Variants in WWOX observed in about 807,000 individuals in gnomAD.
WWOX encodes WW domain containing oxidoreductase.
In WWOX, 69 loss-of-function variants were observed where a neutral mutation model predicts 46.2. That is an observed-to-expected ratio of 1.49 (90% CI 1.23 to 1.82). The LOEUF is 1.82. Ranked by LOEUF, WWOX falls within the 40% of genes most tolerant of loss-of-function variation. WWOX has a pLI of 0.00. For missense variants in WWOX, 919 were observed against 542.6 expected, an observed-to-expected ratio of 1.69 and a Z score of -6.89; for synonymous variants, 359 against 202.6, an observed-to-expected ratio of 1.77 and a Z score of -6.56.
At chr16:78,668,309 A>G (rs943409206) in intron 8 of WWOX, among the ~76,000 whole-genome samples, 1 of 152,046 alleles carries the variant, frequency 6.6e-6, no homozygotes, top group Non-Finnish European at 1.5e-5. Flanking sequence ...CATACAACTT[A>G]ACTCTCATAC....
intron 8 of WWOX, among the ~76,000 whole-genome samples, chr16:78,463,095 A>G (rs1567587903): frequency 6.6e-6 from 1 of 152,184 alleles, no homozygotes; most frequent in Non-Finnish European, 1.5e-5. Flanking sequence ...GTTTCATGTC[A>G]GATCCGTATC....
chr16:79,008,212 G>A (rs2047227894), intron 8 of WWOX, among the ~76,000 whole-genome samples: 2 of 152,166 alleles, frequency 1.3e-5, no homozygotes, highest in Admixed American at 6.5e-5. Context: ...CAGGCTCTCA[G>A]GCCCTATCCA....
intron 8 of WWOX, among the ~76,000 whole-genome samples, chr16:79,087,261 G>A (rs1023267512): frequency 4.6e-5 from 7 of 152,216 alleles, no homozygotes; most frequent in African/African-American, 1.2e-4. Flanking sequence ...AGCCAGGAGC[G>A]TGTGAAGCAT....
At chr16:78,479,657 C>T (rs1597143048) in intron 8 of WWOX, among the ~76,000 whole-genome samples, 1 of 152,166 alleles carries the variant, frequency 6.6e-6, no homozygotes, top group African/African-American at 2.4e-5. Context: ...GAATGATTGA[C>T]ATGGAGGTTC....
intron 8 of WWOX, chr16:78,526,346 AG>A (rs757981293): frequency 2.6e-5 from 4 of 152,234 alleles, no homozygotes; most frequent in Non-Finnish European, 4.4e-5. Flanking sequence ...TGTGGTGCTG[AG>A]CCCCCCTTCC....
chr16:78,538,153 C>A (rs956949030), intron 8 of WWOX, among the ~76,000 whole-genome samples: 1 of 140,938 alleles, frequency 7.1e-6, no homozygotes, highest in Non-Finnish European at 1.5e-5. Flanking sequence ...TTAGTGATTG[C>A]CAGTCCATTC....
intron 8 of WWOX, among the ~76,000 whole-genome samples, chr16:78,966,991 T>C (rs764472788): frequency 2.1e-4 from 32 of 152,222 alleles, no homozygotes; most frequent in Non-Finnish European, 4.6e-4. Flanking sequence ...CATTTATTAT[T>C]GTCTCCACTG....
At chr16:79,172,468 G>T (rs2050718577) in intron 8 of WWOX, among the ~76,000 whole-genome samples, 1 of 152,104 alleles carries the variant, frequency 6.6e-6, no homozygotes, top group African/African-American at 2.4e-5. Context: ...GGTACCTGTA[G>T]TCCCGAGCCC....
chr16:78,820,585 C>T (rs1375553243), intron 8 of WWOX, among the ~76,000 whole-genome samples: 5 of 152,082 alleles, frequency 3.3e-5, no homozygotes, highest in Non-Finnish European at 7.4e-5. Context: ...GTGGCCCTTC[C>T]TTGAAATATA....
At chr16:78,349,674 C>A (rs1421355513) in intron 5 of WWOX, among the ~76,000 whole-genome samples, 1 of 120,570 alleles carries the variant, frequency 8.3e-6, no homozygotes, top group Non-Finnish European at 2.0e-5. Flanking sequence ...TCATCCTTCC[C>A]AGACGTTTCA....
At chr16:78,684,651 C>G (rs1597442605) in intron 8 of WWOX, among the ~76,000 whole-genome samples, 1 of 152,312 alleles carries the variant, frequency 6.6e-6, no homozygotes, top group African/African-American at 2.4e-5. Flanking sequence ...AGAAAGGACT[C>G]TGCCCTCATG....
intron 5 of WWOX, among the ~76,000 whole-genome samples, chr16:78,282,602 C>T (rs1332385876): frequency 9.2e-5 from 14 of 151,984 alleles, no homozygotes; most frequent in Admixed American, 9.2e-4. Flanking sequence ...TGTGGCCGGG[C>T]GCAGTGGCTC....
At chr16:78,512,633 G>A (rs1201317768) in intron 8 of WWOX, among the ~76,000 whole-genome samples, 1 of 152,162 alleles carries the variant, frequency 6.6e-6, no homozygotes, top group Non-Finnish European at 1.5e-5. Flanking sequence ...AGCCTTAAAG[G>A]ATGAGAAAGA....
intron 8 of WWOX, among the ~76,000 whole-genome samples, chr16:78,887,546 C>T (rs1051038356): frequency 6.7e-6 from 1 of 149,602 alleles, no homozygotes; most frequent in Non-Finnish European, 1.5e-5. Context: ...ACCTCAACAC[C>T]CTTCCAAAAC....
At chr16:78,197,968 AT>A (rs1740695021) in intron 5 of WWOX, among the ~76,000 whole-genome samples, 1 of 150,550 alleles carries the variant, frequency 6.6e-6, no homozygotes, top group Admixed American at 6.6e-5. Flanking sequence ...AATTTCTTCC[AT>A]TTTCTTTCCT....
intron 8 of WWOX, among the ~76,000 whole-genome samples, chr16:79,030,883 G>C (rs576502893): frequency 1.3e-5 from 2 of 152,164 alleles, no homozygotes; most frequent in African/African-American, 2.4e-5. Flanking sequence ...AGGAGCTTAA[G>C]ACCAGCTTAG....
intron 8 of WWOX, among the ~76,000 whole-genome samples, chr16:78,517,855 A>ATTTTTTTTTTTTTTTTTTTTTTT (rs11342538): frequency 1.2e-5 from 1 of 86,394 alleles, no homozygotes; most frequent in Non-Finnish European, 2.3e-5. Flanking sequence ...TACACAACCT[A>ATTTTTTTTTTTTTTTTTTTTTTT]TTTTTTTTTT....
intron 8 of WWOX, among the ~76,000 whole-genome samples, chr16:79,018,465 A>G (rs1306611356): frequency 6.6e-6 from 1 of 152,116 alleles, no homozygotes; most frequent in Admixed American, 6.5e-5. Context: ...TCTTGGGAGA[A>G]ATTGCCACTT....
chr16:79,032,107 T>C (rs924906685), intron 8 of WWOX, among the ~76,000 whole-genome samples: 2 of 145,080 alleles, frequency 1.4e-5, no homozygotes, highest in Non-Finnish European at 3.0e-5. Context: ...ATAGATAATT[T>C]ATATATAAAT....
Sources: allele counts gnomAD v4.1 joint callset (sites outside exome capture counted in the v4.1 genomes callset), GRCh38; gene constraint gnomAD v4.1.1; transcripts MANE v1.5; gene names NCBI Gene and HGNC (gene_info 2026-07-23, HGNC 2026-07-21).